The following PAXIP1 variants were observed in gnomAD, a reference collection of about 807,000 sequenced individuals.
The protein encoded by PAXIP1 is PAX interacting protein 1.
Under a neutral mutation model 140.6 loss-of-function variants are expected in PAXIP1, and 19 were observed. The observed-to-expected ratio is 0.14, with a 90% CI of 0.09 to 0.20. PAXIP1 has a LOEUF of 0.20. PAXIP1 is among the 10% of genes least tolerant of loss of function. PAXIP1 has a pLI of 1.00. For missense variants in PAXIP1, 920 were observed against 1,208.6 expected (o/e 0.76, Z 3.54); for synonymous variants, 442 against 444.6 (o/e 0.99, Z 0.07).
chr7:155,002,793 G>C (rs1810986768), intron 1 of PAXIP1, 56 bp downstream of exon 1: 3 of 1,023,874 alleles, frequency 2.9e-6, no homozygotes, highest in East Asian at 4.2e-5. Flanking sequence ...GACGGGGACG[G>C]GGACGGACGG....
chr7:154,985,621 T>C (rs570985380), intron 4 of PAXIP1, among the ~76,000 whole-genome samples: 1 of 152,328 alleles, frequency 6.6e-6, no homozygotes, highest in Non-Finnish European at 1.5e-5. Flanking sequence ...CTCCCAGCTA[T>C]ACTCCAAAGC....
intron 2 of PAXIP1, among the ~76,000 whole-genome samples, chr7:154,995,847 T>A (rs1323982427): frequency 6.6e-6 from 1 of 151,992 alleles, no homozygotes; most frequent in Non-Finnish European, 1.5e-5. Flanking sequence ...TGAAAAAAAA[T>A]TAAATAAAAT....
chr7:154,998,600 T>G, intron 2 of PAXIP1, 50 bp downstream of exon 2: 1 of 1,492,528 alleles, frequency 6.7e-7, no homozygotes, highest in Non-Finnish European at 9.3e-7. Flanking sequence ...AATGTACTGC[T>G]TGCAAGATAC....
intron 6 of PAXIP1, among the ~76,000 whole-genome samples, chr7:154,969,458 G>A (rs1456581441): frequency 6.6e-6 from 1 of 152,254 alleles, no homozygotes; most frequent in Non-Finnish European, 1.5e-5. Flanking sequence ...ACACCTGGTA[G>A]CTAAGCCTTG....
At chr7:154,958,396 C>A (rs1358354138) in intron 13 of PAXIP1, among the ~76,000 whole-genome samples, 1 of 152,180 alleles carries the variant, frequency 6.6e-6, no homozygotes, top group Non-Finnish European at 1.5e-5. Flanking sequence ...GAATTGCTCT[C>A]AATCTTATTA....
rs1809988365 is a variant in PAXIP1, at chr7:154,984,626, T to TA, written c.325-1295dup. ...TTCAAATCATTATTTTATAACTTGTTAATTTAGTAAGTCAATGTCACATTT... is the reference window on the plus strand; with the variant it reads ...TTCAAATCATTATTTTATAACTTGTTAAATTTAGTAAGTCAATGTCACATTT... On this transcript the variant is annotated intron_variant, in intron 4 of 20. Coordinates refer to ENST00000404141, the MANE Select transcript of PAXIP1 (RefSeq NM_007349.4). Among the ~76,000 whole-genome samples the TA allele has an allele frequency of 1.3e-5, 2 of 152,256 alleles. 1 individual carries two copies. The highest frequency in any genetic ancestry group is 4.1e-4 in the South Asian group (2 of 4,834).
intron 8 of PAXIP1, chr7:154,965,327 G>A (rs893215326): frequency 6.6e-6 from 1 of 152,292 alleles, no homozygotes; most frequent in Non-Finnish European, 1.5e-5. Context: ...GGAGATAGCT[G>A]AGCCACAACC....
Position 154,963,753 on chromosome 7 carries a change from T to G in PAXIP1, c.1907A>C (p.His636Pro). The change falls in exon 9 of 21, where the codon CAT becomes CCT. Residue 636 changes from histidine (H) to proline (P), a missense_variant. By Grantham distance (77) the His-to-Pro change is moderately conservative. Around this residue, in one of 5 missense-constraint regions of PAXIP1, gnomAD observed 62 missense variants for 69.0 expected, o/e 0.90. Transcript: ENST00000404141. The surrounding 1 kb of genome is among the most constrained non-coding windows in gnomAD (Gnocchi z 4.1). The stretch of plus-strand genomic sequence containing the variant: ...GAAGGTGGGGTCAACAGTGCCGCCA[T>G]GTGCCTGGATTATCTACACACAAAG... ...LATWKRIIQA[H>P]GGTVDPTFTS... 6.2e-7 allele frequency: 1 copy of G among 1,612,710 alleles called. No homozygotes were observed. The highest frequency in any genetic ancestry group is 1.1e-5 in the South Asian group (1 of 90,776).
chr7:155,000,519 C>A, intron 1 of PAXIP1: 1 of 152,510 alleles, frequency 6.6e-6, no homozygotes. Flanking sequence ...CCTCCCCAGC[C>A]CTCTCTTCCT....
chr7:154,968,981 GCC>G lies in PAXIP1; in HGVS notation c.1218_1219del (p.Gln406HisfsTer189). 1 of 1,543,050 alleles carries G rather than the reference GCC, an allele frequency of 6.5e-7. No individual in the cohort carries two copies. Among genetic ancestry groups the G allele is most frequent in the South Asian group, 1.2e-5 (1 of 83,090 alleles). On this transcript the variant is annotated frameshift_variant, in exon 7 of 21. Coordinates refer to ENST00000404141, the MANE Select transcript of PAXIP1 (RefSeq NM_007349.4). LOFTEE classifies it high-confidence loss of function. ...CGGGTGCTGCTGCTGCTGCTGCTGGGCCTGCTGCTGCTGCTGTAGCATGTGTG... is the reference window on the plus strand; with the variant it reads ...CGGGTGCTGCTGCTGCTGCTGCTGGGTGCTGCTGCTGCTGTAGCATGTGTG...
At position 154,967,810 on chromosome 7, in the gene PAXIP1, T is replaced by G. The variant is rs1563371557; in HGVS notation, c.1893+6A>C. ...ACAGTCATCCTTCCTCCAGGCACAA[T>G]CTCACCCTTTTCCAGGTGGCCAGCA... On this transcript the variant is annotated splice_donor_region_variant and intron_variant, in intron 8 of 20. Transcript: ENST00000404141. 7 of 1,603,936 alleles carry G rather than the reference T, an allele frequency of 4.4e-6. No homozygotes were observed. The highest frequency in any genetic ancestry group is 1.1e-5 in the South Asian group (1 of 90,734).
rs1456219199 is a variant in PAXIP1, at chr7:154,943,704, C to T, written c.*445G>A. ...TTACTCAATTCTAAGTTCAAAAGTA[C>T]ATTTATTTAAAATGTGGGCAAGATA... On this transcript the variant is annotated 3_prime_UTR_variant, in exon 21 of 21. Transcript: ENST00000404141. The T allele has an allele frequency of 6.4e-6, 1 of 157,460 alleles. No individual in the cohort carries two copies. The highest frequency in any genetic ancestry group is 1.9e-4 in the East Asian group (1 of 5,330). The allele number at this position is 157,460 out of a possible 1,614,324, so 9.8% of individuals were successfully genotyped here. A position where few individuals can be genotyped will look rare whatever the true frequency, so the allele number is the denominator to read the frequency against.
intron 6 of PAXIP1, among the ~76,000 whole-genome samples, chr7:154,975,124 T>C (rs1420139194): frequency 7.3e-6 from 1 of 137,160 alleles, no homozygotes; most frequent in Non-Finnish European, 1.5e-5. Context: ...GCAACTGCAC[T>C]CCAGCCTGGG....
intron 2 of PAXIP1, 48 bp from the exon 3 acceptor site, chr7:154,993,817 G>C (rs1445586215): frequency 7.1e-7 from 1 of 1,412,280 alleles, no homozygotes; most frequent in Non-Finnish European, 9.7e-7. Flanking sequence ...TTTACAAGTG[G>C]CATATTATTT....
intron 16 of PAXIP1, among the ~76,000 whole-genome samples, chr7:154,953,304 G>A (rs1462100338): frequency 2.6e-5 from 4 of 152,170 alleles, no homozygotes; most frequent in African/African-American, 9.7e-5. Flanking sequence ...CGTCAATATA[G>A]GGCAAACAAC....
rs142678577 is a variant in PAXIP1, at chr7:154,987,927, G to A, written c.324+3079C>T. The stretch of plus-strand genomic sequence containing the variant: ...TCCTGCCCTGCAAGTCATCCTCAGA[G>A]CTCCTGGACCAGTTTTACCTGCAAT... On this transcript the variant is annotated intron_variant, in intron 4 of 20. Coordinates refer to ENST00000404141, the MANE Select transcript of PAXIP1 (RefSeq NM_007349.4). 5.6e-3 allele frequency among the ~76,000 whole-genome samples: 858 copies of A among 152,276 alleles called. 5 individuals carry two copies. Among genetic ancestry groups the A allele is most frequent in the Middle Eastern group, 0.041 (12 of 294 alleles).
chr7:154,955,434 A>G (rs1808460142), intron 15 of PAXIP1, 95 bp downstream of exon 15: 13 of 729,874 alleles, frequency 1.8e-5, no homozygotes, highest in East Asian at 1.3e-4. Flanking sequence ...ATAACTATCT[A>G]AACTATGTAA....
intron 6 of PAXIP1, among the ~76,000 whole-genome samples, 163 bp downstream of exon 6, chr7:154,975,533 C>T (rs1303908694): frequency 7.1e-6 from 1 of 139,936 alleles, no homozygotes; most frequent in African/African-American, 3.2e-5. Flanking sequence ...TACACACACA[C>T]ACACACACAC....
chr7:154,960,279 T>G (rs138976583), intron 12 of PAXIP1, among the ~76,000 whole-genome samples: 51 of 152,154 alleles, frequency 3.4e-4, no homozygotes, highest in African/African-American at 1.1e-3. Flanking sequence ...GGGTTTCACA[T>G]AGTCTGGCTT....
Sources: gnomAD v4.1 joint callset for allele counts (sites outside exome capture counted in the v4.1 genomes callset) on GRCh38, gnomAD v4.1.1 for gene constraint, gnomAD v4.1.1 regional missense constraint, Gnocchi (gnomAD v3.1) non-coding constraint, MANE v1.5 for transcripts, NCBI Gene and HGNC (gene_info 2026-07-23, HGNC 2026-07-21) for gene names.